FEZ2: variants seen among roughly 807,000 people sequenced by gnomAD.
FEZ2 encodes the protein fasciculation and elongation protein zeta 2.
In FEZ2, 51 loss-of-function variants were observed where a neutral mutation model predicts 40.4. The observed-to-expected ratio is 1.26, with a 90% CI of 1.01 to 1.59. FEZ2 has a LOEUF of 1.59. Among genes scored for constraint, FEZ2 ranks in the 40% most tolerant of loss-of-function variants. The pLI, the probability that FEZ2 is intolerant of heterozygous loss-of-function variation, is 0.00. For missense variants in FEZ2, 640 were observed against 438.3 expected, an observed-to-expected ratio of 1.46 and a Z score of -4.11; for synonymous variants, 242 against 172.0, an observed-to-expected ratio of 1.41 and a Z score of -3.18.
At chr2:36,595,367 G>A (rs1019675148) in intron 1 of FEZ2, among the ~76,000 whole-genome samples, 3 of 151,900 alleles carry the variant, frequency 2.0e-5, no homozygotes, top group African/African-American at 7.3e-5. Context: ...GGGAAACAGT[G>A]ACAGATCATC....
At chr2:36,571,016 T>C (rs1452801334) in intron 5 of FEZ2, among the ~76,000 whole-genome samples, 1 of 152,170 alleles carries the variant, frequency 6.6e-6, no homozygotes, top group Non-Finnish European at 1.5e-5. Context: ...CTACATTAAC[T>C]GATGGATCAT....
chr2:36,560,873 C>T (rs372339512), intron 5 of FEZ2: 81 of 1,565,586 alleles, frequency 5.2e-5, no homozygotes, highest in African/African-American at 4.1e-5. Context: ...GCGCTAAAGG[C>T]GGCAATATAC....
chr2:36,555,757 T>G lies in FEZ2; in HGVS notation c.980-9A>C, dbSNP rs773625179. The G allele has an allele frequency of 3.3e-6, 5 of 1,518,964 alleles. No individual in the cohort carries two copies. The highest frequency in any genetic ancestry group is 2.7e-6 in the Non-Finnish European group (3 of 1,117,140). 94.1% of individuals were successfully genotyped at this position (1,518,964 alleles called of 1,614,324 possible). On this transcript the variant is annotated splice_polypyrimidine_tract_variant and intron_variant, in intron 6 of 7. Transcript: ENST00000405912. ...CTTCATGGCACGAAGAACTGCAAAA[T>G]AGAAGAGGGGAAAAAAGACAACAAT...
In FEZ2 at chr2:36,555,428, C is replaced by T. The variant is rs1301272866; in HGVS notation, c.1045+255G>A. ...GTGCCATCTCACTAATTTTCTTCTA[C>T]TACCTCTCTTGATGTTTATAGTTTA... On this transcript the variant is annotated intron_variant, in intron 7 of 7. Coordinates refer to ENST00000405912, the MANE Select transcript of FEZ2 (RefSeq NM_005102.3). The T allele has an allele frequency of 2.4e-5, 7 of 289,854 alleles. No homozygotes were observed. In the East Asian group the frequency reaches 4.3e-4, roughly 18 times the overall value. The allele number at this position is 289,854 out of a possible 1,614,324, so 18.0% of individuals were successfully genotyped here. A position where few individuals can be genotyped will look rare whatever the true frequency, so the allele number is the denominator to read the frequency against.
intron 5 of FEZ2, among the ~76,000 whole-genome samples, chr2:36,574,663 C>T (rs1668511124): frequency 6.6e-6 from 1 of 151,852 alleles, no homozygotes; most frequent in African/African-American, 2.4e-5. Flanking sequence ...AAAAAAATCC[C>T]CCAAGTGGAC....
At position 36,598,098 on chromosome 2, in the gene FEZ2, C is replaced by T. The variant is rs1299547501; in HGVS notation, c.45G>A (p.Glu15=). ...CCTGGTCCAGGAGGCTCCGGGCCGG[C>T]TCCTGGAACTCATAGAAATCCTGCC... ...GDWQDFYEFQ[E]PARSLLDQEN... is the part of the protein sequence containing the mutation. Residue 15 remains glutamate, a synonymous_variant, in exon 1 of 8, where the codon GAG becomes GAA. Transcript: ENST00000405912. The T allele has an allele frequency of 7.4e-6, 11 of 1,492,972 alleles. No individual in the cohort carries two copies. The highest frequency in any genetic ancestry group is 2.9e-5 in the African/African-American group (2 of 67,802). 92.5% of individuals were successfully genotyped at this position (1,492,972 alleles called of 1,614,324 possible). A position where few individuals can be genotyped will look rare whatever the true frequency, so the allele number is the denominator to read the frequency against.
Position 36,598,014 on chromosome 2 carries a change from GC to G in FEZ2, c.128del (p.Gly43AlafsTer16), listed in dbSNP as rs1244005065. ...GAEAGAEAGG[G>X]ADGFPAPACS... ...AGGCCGGGGCCGGGAAACCGTCGGCGCCCCCACCCGCCTCGGCCCCCGCCTC... is the reference window on the plus strand; with the variant it reads ...AGGCCGGGGCCGGGAAACCGTCGGCGCCCCACCCGCCTCGGCCCCCGCCTC... On this transcript the variant is annotated frameshift_variant, in exon 1 of 8. Transcript: ENST00000405912. LOFTEE classifies it high-confidence loss of function. The G allele has an allele frequency of 3.3e-6, 5 of 1,494,376 alleles. No homozygotes were observed. The allele number at this position is 1,494,376 out of a possible 1,614,324, so 92.6% of individuals were successfully genotyped here. A position where few individuals can be genotyped will look rare whatever the true frequency, so the allele number is the denominator to read the frequency against.
At chr2:36,586,467 G>A (rs778894707) in intron 2 of FEZ2, among the ~76,000 whole-genome samples, 3 of 151,778 alleles carry the variant, frequency 2.0e-5, no homozygotes, top group Non-Finnish European at 2.9e-5. Flanking sequence ...AAACCCCATT[G>A]CTACAAAAAA....
chr2:36,567,654 C>CTGAGGCAG (rs1668285290), intron 5 of FEZ2, among the ~76,000 whole-genome samples: 2 of 151,588 alleles, frequency 1.3e-5, no homozygotes, highest in Non-Finnish European at 2.9e-5. Context: ...CCCAGCTACT[C>CTGAGGCAG]GAGAGGCTCA....
intron 5 of FEZ2, among the ~76,000 whole-genome samples, chr2:36,559,797 ATTCC>A (rs1210257542): frequency 2.6e-5 from 4 of 152,218 alleles, no homozygotes; most frequent in Admixed American, 1.3e-4. Flanking sequence ...AGTCTGGAAG[ATTCC>A]TTGTCTTCTT....
At chr2:36,567,972 A>G (rs1668295659) in intron 5 of FEZ2, among the ~76,000 whole-genome samples, 1 of 152,202 alleles carries the variant, frequency 6.6e-6, no homozygotes, top group South Asian at 2.1e-4. Context: ...TTGGAAGGCA[A>G]AATGAATTTT....
intron 5 of FEZ2, among the ~76,000 whole-genome samples, chr2:36,564,110 G>A (rs530504050): frequency 4.6e-5 from 7 of 152,288 alleles, no homozygotes; most frequent in Admixed American, 2.6e-4. Context: ...GATCAGTAAA[G>A]TGCTAAGAAC....
chr2:36,593,377 G>A (rs1669126727), intron 1 of FEZ2, among the ~76,000 whole-genome samples: 1 of 152,046 alleles, frequency 6.6e-6, no homozygotes, highest in African/African-American at 2.4e-5. Context: ...CTTCCACACT[G>A]CCCTAGCAGA....
At chr2:36,558,281 C>A (rs1460797612) in intron 6 of FEZ2, 157 bp downstream of exon 6, 4 of 451,964 alleles carry the variant, frequency 8.9e-6, no homozygotes, top group East Asian at 6.7e-5. Context: ...AATGTCACAG[C>A]CATTTTTGGC....
At chr2:36,561,573 G>A (rs575927101) in intron 5 of FEZ2, 1 of 152,206 alleles carries the variant, frequency 6.6e-6, no homozygotes, top group East Asian at 1.9e-4. Flanking sequence ...TACTGAAAAG[G>A]GAGTATTTTT....
chr2:36,571,074 A>C (rs556461906), intron 5 of FEZ2, among the ~76,000 whole-genome samples: 6 of 152,366 alleles, frequency 3.9e-5, no homozygotes, highest in African/African-American at 1.4e-4. Flanking sequence ...TGCAGAAAAC[A>C]AAGTGTAGAT....
chr2:36,563,529 A>G (rs1316553854), intron 5 of FEZ2, among the ~76,000 whole-genome samples: 1 of 151,836 alleles, frequency 6.6e-6, no homozygotes, highest in African/African-American at 2.4e-5. Context: ...AAAAGAAAAA[A>G]AAAAAAAACT....
intron 5 of FEZ2, among the ~76,000 whole-genome samples, chr2:36,576,282 T>TA (rs979332366): frequency 3.4e-4 from 51 of 152,014 alleles, no homozygotes; most frequent in Non-Finnish European, 5.7e-4. Context: ...TTTATTTTTT[T>TA]TTTTTGAGAC....
At chr2:36,588,126 T>G (rs944810432) in intron 2 of FEZ2, among the ~76,000 whole-genome samples, 1 of 152,064 alleles carries the variant, frequency 6.6e-6, no homozygotes, top group African/African-American at 2.4e-5. Flanking sequence ...CCTCCCAGGT[T>G]CAAGCAATTC....
Sources: allele counts gnomAD v4.1 joint callset (sites outside exome capture counted in the v4.1 genomes callset), GRCh38; gene constraint gnomAD v4.1.1; transcripts MANE v1.5; gene names NCBI Gene and HGNC (gene_info 2026-07-23, HGNC 2026-07-21).